MKI67: variants seen among roughly 807,000 people sequenced by gnomAD.
MKI67 encodes the protein marker of proliferation Ki-67.
MKI67 carries 152 observed loss-of-function variants against 233.5 expected under a neutral mutation model. That is an observed-to-expected ratio of 0.65 (90% confidence interval 0.57 to 0.74). The LOEUF is 0.74. Among genes scored for constraint, MKI67 ranks in the 30% least tolerant of loss-of-function variants. The probability of loss-of-function intolerance (pLI) is 0.00; values close to 1 mark genes in which losing one functional copy is unlikely to be tolerated. For missense variants in MKI67, 3,940 were observed against 3,885.2 expected (o/e 1.01, Z -0.37); for synonymous variants, 1,465 against 1,418.5 (o/e 1.03, Z -0.74).
At chr10:128,122,395 C>T (rs78112735) in intron 4 of MKI67, among the ~76,000 whole-genome samples, 1 of 152,192 alleles carries the variant, frequency 6.6e-6, no homozygotes, top group African/African-American at 2.4e-5. Context: ...TTTTTAAATG[C>T]CCTCTTTCCA....
chr10:128,123,655 G>A (rs1852996697), intron 2 of MKI67, among the ~76,000 whole-genome samples: 1 of 152,190 alleles, frequency 6.6e-6, no homozygotes, highest in African/African-American at 2.4e-5. Flanking sequence ...ATCATGTGAT[G>A]TTCAATTAAA....
intron 6 of MKI67, 25 bp downstream of exon 6, chr10:128,116,466 G>A (rs372340195): frequency 6.2e-7 from 1 of 1,608,564 alleles, no homozygotes; most frequent in Non-Finnish European, 8.5e-7. Context: ...TCAGGATTCT[G>A]GAACAAAACC....
Position 128,107,381 on chromosome 10 carries a change from C to T in MKI67, c.4459G>A (p.Glu1487Lys), listed in dbSNP as rs904838329. Residue 1487 changes from glutamate to lysine, a missense_variant, in exon 13 of 15, where the codon GAG (glutamate) becomes AAG (lysine). Coordinates refer to ENST00000368654, the MANE Select transcript of MKI67 (RefSeq NM_002417.5). ...PVCTDKPTTHEKTTKIACRSQ... is the reference protein window; with the variant it reads ...PVCTDKPTTHKKTTKIACRSQ... The stretch of plus-strand genomic sequence containing the variant: ...CTGCAGGCTATTTTGGTAGTTTTCT[C>T]GTGAGTCGTGGGCTTGTCAGTGCAT... 15 of 1,613,492 alleles carry T rather than the reference C, an allele frequency of 9.3e-6. No individual in the cohort carries two copies. The highest frequency in any genetic ancestry group is 2.2e-5 in the South Asian group (2 of 91,066).
At position 128,109,008 on chromosome 10, in the gene MKI67, C is replaced by G; in HGVS notation, c.2832G>C (p.Lys944Asn). Reference protein sequence around the residue: ...ENIELKENDEKMKAMKRSRTW... With the variant: ...ENIELKENDENMKAMKRSRTW... The stretch of plus-strand genomic sequence containing the variant: ...TTCTTGATCTCTTCATTGCTTTCAT[C>G]TTTTCATCGTTTTCTTTTAATTCAA... Residue 944 changes from lysine (K) to asparagine (N), a missense_variant, in exon 13 of 15, where the codon AAG becomes AAC. Physicochemically the swap from Lys to Asn is moderately conservative, Grantham distance 94. Coordinates refer to ENST00000368654, the MANE Select transcript of MKI67 (RefSeq NM_002417.5). 1.2e-6 allele frequency: 2 copies of G among 1,614,198 alleles called. No homozygotes were observed. The highest frequency in any genetic ancestry group is 1.7e-6 in the Non-Finnish European group (2 of 1,180,042).
Position 128,108,058 on chromosome 10 carries a change from G to A in MKI67, c.3782C>T (p.Thr1261Ile), listed in dbSNP as rs1852561890. 6.2e-7 allele frequency: 1 copy of A among 1,613,774 alleles called. No individual in the cohort carries two copies. The highest frequency in any genetic ancestry group is 1.1e-5 in the South Asian group (1 of 91,058). The change falls in exon 13 of 15, where the codon ACC (threonine) becomes ATC (isoleucine). Residue 1261 changes from threonine (T) to isoleucine (I), a missense_variant. Physicochemically the swap from Thr to Ile is moderately conservative, Grantham distance 89. Transcript: ENST00000368654. Reference sequence around the variant, plus strand: ...GGGTCGTTGCTTTGTGCTTGTTGGGGTGTCCACTGGGTCTGACTGTGGAGA... The same window carrying A: ...GGGTCGTTGCTTTGTGCTTGTTGGGATGTCCACTGGGTCTGACTGTGGAGA... ...CDSPQSDPVD[T>I]PTSTKQRPKR...
chr10:128,109,709 CCT>C (rs1007750764), intron 12 of MKI67, among the ~76,000 whole-genome samples: 4 of 152,102 alleles, frequency 2.6e-5, no homozygotes, highest in Non-Finnish European at 5.9e-5. Context: ...GTTGCCATGC[CCT>C]GTGTCATTGA....
intron 5 of MKI67, among the ~76,000 whole-genome samples, chr10:128,117,160 G>A (rs577528910): frequency 6.6e-6 from 1 of 152,282 alleles, no homozygotes; most frequent in Non-Finnish European, 1.5e-5. Flanking sequence ...ATCCTATTGC[G>A]GAAGAACCAA....
At chr10:128,110,611 G>A (rs1408395286) in intron 11 of MKI67, 78 bp from the exon 12 acceptor site, 29 of 1,123,918 alleles carry the variant, frequency 2.6e-5, no homozygotes, top group Non-Finnish European at 3.1e-5. Context: ...CACATGTAAC[G>A]TGCAAATGGT....
At position 128,109,362 on chromosome 10, in the gene MKI67, T is replaced by G; in HGVS notation, c.2478A>C (p.Ala826=). Residue 826 remains alanine, a synonymous_variant, in exon 13 of 15, where the codon GCA becomes GCC. Transcript: ENST00000368654. ...TACACTGCCGTCTTAAGGGAGGGCT[T>G]GCAGAGCATTTATCAGATGGCTGTT... ...AAKQPSDKCS[A]SPPLRRQCIR... is the part of the protein sequence containing the mutation. 6.2e-7 allele frequency: 1 copy of G among 1,614,214 alleles called. No homozygotes were observed. The highest frequency in any genetic ancestry group is 1.1e-5 in the South Asian group (1 of 91,084).
chr10:128,121,822 C>T (rs1852955103), intron 4 of MKI67, among the ~76,000 whole-genome samples: 1 of 151,224 alleles, frequency 6.6e-6, no homozygotes, highest in Admixed American at 6.6e-5. Context: ...AATACTTATG[C>T]CATGAGAAGG....
chr10:128,113,436 T>C lies in MKI67; in HGVS notation c.1647A>G (p.Lys549=), dbSNP rs1355016861. 5.6e-6 allele frequency: 9 copies of C among 1,614,140 alleles called. No homozygotes were observed. Among genetic ancestry groups the C allele is most frequent in the Non-Finnish European group, 7.6e-6 (9 of 1,179,990 alleles). ...LVMHTPPVLK[K]IIKEQPQPSG... ...TGCTTGTTCAACTCACCTTGATGAT[T>C]TTCTTCAGGACAGGTGGAGTGTGCA... Residue 549 remains lysine, a synonymous_variant, in exon 8 of 15, where the codon AAA becomes AAG. Coordinates refer to ENST00000368654, the MANE Select transcript of MKI67 (RefSeq NM_002417.5).
rs779629548 is a variant in MKI67, at chr10:128,106,575, G to A, written c.5265C>T (p.Pro1755=). The A allele has an allele frequency of 6.2e-7, 1 of 1,614,176 alleles. No individual in the cohort carries two copies. Among genetic ancestry groups the A allele is most frequent in the South Asian group, 1.1e-5 (1 of 91,086 alleles). ...VDTPTSSKPQ[P]KRSLRKADTE... ...TGTCTGCTTTCCTGAGACTTCTCTT[G>A]GGCTGTGGCTTGGAGCTTGTTGGGG... The change falls in exon 13 of 15, where the codon CCC becomes CCT. Residue 1755 remains proline (P), a synonymous_variant. Coordinates refer to ENST00000368654, the MANE Select transcript of MKI67 (RefSeq NM_002417.5).
intron 13 of MKI67, 141 bp downstream of exon 13, chr10:128,102,438 G>A (rs1203214376): frequency 4.0e-6 from 4 of 995,342 alleles, no homozygotes; most frequent in African/African-American, 1.6e-5. Context: ...TCTTTACCAT[G>A]GCCTGCAGTT....
In MKI67 at chr10:128,108,350, T is replaced by A; in HGVS notation, c.3490A>T (p.Arg1164Trp). ...ADVEEEFLAL[R>W]KLTPSAGKAM... ...TTCCCTGCTGATGGTGTTAGTTTCC[T>A]GAGTGCTAAGAATTCTTCCTCTACA... Residue 1164 changes from arginine to tryptophan, a missense_variant, in exon 13 of 15, where the codon AGG (arginine) becomes TGG (tryptophan). Coordinates refer to ENST00000368654, the MANE Select transcript of MKI67 (RefSeq NM_002417.5). The A allele has an allele frequency of 6.2e-7, 1 of 1,614,178 alleles. No individual in the cohort carries two copies. Among genetic ancestry groups the A allele is most frequent in the Non-Finnish European group, 8.5e-7 (1 of 1,180,038 alleles).
rs1565001590 is a variant in MKI67, at chr10:128,105,061, G to A, written c.6779C>T (p.Pro2260Leu). Residue 2260 changes from proline (P) to leucine (L), a missense_variant, in exon 13 of 15, where the codon CCA (proline) becomes CTA (leucine). By Grantham distance (98) the Pro-to-Leu change is moderately conservative (BLOSUM62 -3). Transcript: ENST00000368654. ...TGTGTCCATAGCTTTCCCTACTGAT[G>A]GTGTTCGTTTCCTGAGTGCTAAGGA... ...EESLALRKRT[P>L]SVGKAMDTPK... 2.5e-6 allele frequency: 4 copies of A among 1,613,568 alleles called. No homozygotes were observed. The highest frequency in any genetic ancestry group is 3.4e-6 in the Non-Finnish European group (4 of 1,179,936).
intron 8 of MKI67, 38 bp downstream of exon 8, chr10:128,113,389 C>T: frequency 6.2e-7 from 1 of 1,603,820 alleles, no homozygotes; most frequent in Non-Finnish European, 8.5e-7. Flanking sequence ...GGTGTGTGAG[C>T]CACTGGGCGT....
rs531121799 is a variant in MKI67, at chr10:128,107,277, T to C, written c.4563A>G (p.Glu1521=). The C allele has an allele frequency of 3.7e-6, 6 of 1,614,142 alleles. No homozygotes were observed. The South Asian group carries it at 4.4e-5, about 12-fold the overall frequency. ...SKRSLRKVDV[E]EEFFALRKRT... Reference sequence around the variant, plus strand: ...GTTTCCTGAGTGCGAAGAATTCTTCTTCTACGTCCACTTTCCTGAGACTTC... The same window carrying C: ...GTTTCCTGAGTGCGAAGAATTCTTCCTCTACGTCCACTTTCCTGAGACTTC... Residue 1521 remains glutamate (E), a synonymous_variant, in exon 13 of 15, where the codon GAA becomes GAG. Transcript: ENST00000368654.
intron 2 of MKI67, among the ~76,000 whole-genome samples, chr10:128,124,946 G>T (rs1398402974): frequency 6.6e-6 from 1 of 151,796 alleles, no homozygotes; most frequent in African/African-American, 2.4e-5. Context: ...AGGACAGGGT[G>T]AGGCCTGAAT....
In MKI67 at chr10:128,123,186, A is replaced by T; in HGVS notation, c.93-17T>A. ...TCAATACCCCTTCATGCAAAAGAAG[A>T]AGGTTTTTTTGGTTGCTGCAACTTT... On this transcript the variant is annotated splice_polypyrimidine_tract_variant and intron_variant, in intron 2 of 14. Coordinates refer to ENST00000368654, the MANE Select transcript of MKI67 (RefSeq NM_002417.5). 1 of 1,599,548 alleles carries T rather than the reference A, an allele frequency of 6.3e-7. No homozygotes were observed. The highest frequency in any genetic ancestry group is 8.6e-7 in the Non-Finnish European group (1 of 1,168,922).
Sources: allele counts gnomAD v4.1 joint callset (sites outside exome capture counted in the v4.1 genomes callset), GRCh38; gene constraint gnomAD v4.1.1; transcripts MANE v1.5; gene names NCBI Gene and HGNC (gene_info 2026-07-23, HGNC 2026-07-21).